The following REXO5 variants were observed in gnomAD, a reference collection of about 807,000 sequenced individuals.
REXO5 encodes the protein exonuclease NEF-sp.
REXO5 carries 48 observed loss-of-function variants against 88.5 expected under a neutral mutation model. That is an observed-to-expected ratio of 0.54 (90% CI 0.43 to 0.69). The LOEUF is 0.69. Ranked by LOEUF, REXO5 falls within the 30% of genes least tolerant of loss-of-function variation. The pLI is 0.00. For missense variants in REXO5, 749 were observed against 912.2 expected (o/e 0.82, Z 2.30); for synonymous variants, 311 against 336.5 (o/e 0.92, Z 0.83).
intron 19 of REXO5, among the ~76,000 whole-genome samples, chr16:20,846,990 A>G (rs554046333): frequency 6.6e-6 from 1 of 152,342 alleles, no homozygotes; most frequent in Admixed American, 6.5e-5. Flanking sequence ...AAAGATGGGC[A>G]GTTTTGGAAT....
intron 19 of REXO5, among the ~76,000 whole-genome samples, chr16:20,847,175 C>G (rs2081619533): frequency 6.6e-6 from 1 of 150,776 alleles, no homozygotes; most frequent in African/African-American, 2.4e-5. Flanking sequence ...TTTAGAAGGC[C>G]AAGGTGAGCG....
intron 2 of REXO5, among the ~76,000 whole-genome samples, chr16:20,809,930 C>CT (rs1188273499): frequency 1.3e-5 from 2 of 152,158 alleles, no homozygotes; most frequent in African/African-American, 4.8e-5. Flanking sequence ...GTATGATGAA[C>CT]TCAGTGGTAC....
intron 16 of REXO5, among the ~76,000 whole-genome samples, chr16:20,844,367 C>T (rs2081575435): frequency 6.6e-6 from 1 of 152,026 alleles, no homozygotes; most frequent in African/African-American, 2.4e-5. Context: ...TTCTTGTGCA[C>T]ATAAACAGAA....
intron 3 of REXO5, among the ~76,000 whole-genome samples, chr16:20,814,438 C>T (rs369741017): frequency 4.6e-5 from 7 of 152,164 alleles, no homozygotes; most frequent in East Asian, 1.9e-4. Context: ...GATGGGGTTT[C>T]GCCATGTTGC....
Position 20,821,894 on chromosome 16 carries a change from C to A in REXO5, c.608C>A (p.Pro203Gln). ...TKEEMRTFHF[P>Q]LQGFPDCENF... ...GAGGAAATGAGAACGTTTCACTTTC[C>A]ATTACAAGGTTGGCTTAGGCTTACT... The change falls in exon 6 of 20, where the codon CCA becomes CAA. Residue 203 changes from proline (P) to glutamine (Q), a missense_variant. Transcript: ENST00000261377. 6.3e-7 allele frequency: 1 copy of A among 1,579,852 alleles called. No homozygotes were observed. The highest frequency in any genetic ancestry group is 8.6e-7 in the Non-Finnish European group (1 of 1,167,946).
chr16:20,832,813 C>A (rs1197775633), intron 12 of REXO5, among the ~76,000 whole-genome samples, 190 bp from the exon 13 acceptor site: 2 of 152,158 alleles, frequency 1.3e-5, no homozygotes, highest in Non-Finnish European at 2.9e-5. Flanking sequence ...TCTGTGCTAT[C>A]TCGTTTGGTA....
At chr16:20,824,662 C>T in intron 7 of REXO5, 135 bp downstream of exon 7, 1 of 648,258 alleles carries the variant, frequency 1.5e-6, no homozygotes, top group Non-Finnish European at 2.7e-6. Flanking sequence ...GAAAGTAGGT[C>T]CTTTTACTCA....
At chr16:20,813,323 G>A (rs1056393796) in intron 3 of REXO5, 21 bp downstream of exon 3, 11 of 1,380,216 alleles carry the variant, frequency 8.0e-6, no homozygotes, top group Non-Finnish European at 1.1e-5. Flanking sequence ...AATTTAAATG[G>A]TGGGTATTGA....
intron 13 of REXO5, among the ~76,000 whole-genome samples, chr16:20,839,056 G>A (rs2081483795): frequency 6.6e-6 from 1 of 152,202 alleles, no homozygotes; most frequent in South Asian, 2.1e-4. Context: ...TTCTGTGAGA[G>A]TGAGAGGCTG....
At chr16:20,836,541 T>C (rs556405884) in intron 13 of REXO5, among the ~76,000 whole-genome samples, 3 of 152,352 alleles carry the variant, frequency 2.0e-5, no homozygotes, top group African/African-American at 7.2e-5. Flanking sequence ...GATAGACATC[T>C]TGGCTGCTTC....
intron 1 of REXO5, 100 bp downstream of exon 1, chr16:20,806,805 C>T: frequency 2.3e-6 from 3 of 1,282,870 alleles, no homozygotes; most frequent in Non-Finnish European, 3.1e-6. Flanking sequence ...TTTAGGGGAA[C>T]GGGGATAGTT....
chr16:20,823,045 A>G (rs2081208780), intron 6 of REXO5, among the ~76,000 whole-genome samples: 1 of 152,172 alleles, frequency 6.6e-6, no homozygotes, highest in Admixed American at 6.5e-5. Flanking sequence ...TCTTGCCAAC[A>G]TTTACTATTA....
intron 13 of REXO5, among the ~76,000 whole-genome samples, chr16:20,837,556 C>T (rs1235749941): frequency 6.6e-6 from 1 of 152,172 alleles, no homozygotes; most frequent in Non-Finnish European, 1.5e-5. Context: ...CCATGCTTTT[C>T]ATTAATGCCC....
At chr16:20,811,451 T>C (rs1182183509) in intron 2 of REXO5, among the ~76,000 whole-genome samples, 3 of 152,210 alleles carry the variant, frequency 2.0e-5, no homozygotes, top group African/African-American at 4.8e-5. Flanking sequence ...TATTATAAAT[T>C]TTCAGGTAAA....
chr16:20,807,528 A>G (rs2080909102), intron 2 of REXO5, among the ~76,000 whole-genome samples: 1 of 148,850 alleles, frequency 6.7e-6, no homozygotes. Flanking sequence ...GGTTGCAATG[A>G]GCCAAGACCA....
chr16:20,814,423 G>T (rs2081050473), intron 3 of REXO5, among the ~76,000 whole-genome samples: 1 of 151,972 alleles, frequency 6.6e-6, no homozygotes. Flanking sequence ...ATTTTTTTTA[G>T]TAGAGATGGG....
chr16:20,829,972 CATT>C (rs1315983080), intron 11 of REXO5, among the ~76,000 whole-genome samples: 1 of 152,194 alleles, frequency 6.6e-6, no homozygotes, highest in Non-Finnish European at 1.5e-5. Flanking sequence ...CAGCCATAGA[CATT>C]ATGTCAACAC....
intron 12 of REXO5, among the ~76,000 whole-genome samples, chr16:20,832,493 C>CAA (rs199601332): frequency 0.15 from 18,062 of 120,240 alleles, 1,149 homozygotes; most frequent in East Asian, 0.23. Flanking sequence ...TATCCTTGAT[C>CAA]AAAAAAAAAA....
intron 7 of REXO5, 56 bp from the exon 8 acceptor site, chr16:20,825,773 TAGTA>T: frequency 2.5e-6 from 3 of 1,190,740 alleles, no homozygotes; most frequent in East Asian, 4.7e-5. Flanking sequence ...ATAGTGTAAA[TAGTA>T]AGAAGAAGCA....
Sources: allele counts gnomAD v4.1 joint callset (sites outside exome capture counted in the v4.1 genomes callset), GRCh38; gene constraint gnomAD v4.1.1; transcripts MANE v1.5; gene names NCBI Gene and HGNC (gene_info 2026-07-23, HGNC 2026-07-21).